MAN2A1: variants seen among roughly 807,000 people sequenced by gnomAD.
The protein encoded by MAN2A1 is mannosidase alpha class 2A member 1.
MAN2A1 carries 76 observed loss-of-function variants against 142.6 expected under a neutral mutation model. That is an observed-to-expected ratio of 0.53 (90% confidence interval 0.44 to 0.65). The LOEUF is 0.65. Among genes scored for constraint, MAN2A1 ranks in the 30% least tolerant of loss-of-function variants. The pLI is 0.00. For synonymous variants in MAN2A1, 559 were observed against 473.2 expected, an observed-to-expected ratio of 1.18 and a Z score of -2.35; for missense variants, 1,311 against 1,365.1, an observed-to-expected ratio of 0.96 and a Z score of 0.62.
At chr5:109,701,855 A>G (rs981350219) in intron 1 of MAN2A1, among the ~76,000 whole-genome samples, 1 of 152,144 alleles carries the variant, frequency 6.6e-6, no homozygotes, top group East Asian at 1.9e-4. Flanking sequence ...TGGTTGTACT[A>G]TTTGCAGAAG....
intron 16 of MAN2A1, among the ~76,000 whole-genome samples, chr5:109,824,628 A>G (rs926088576): frequency 5.3e-5 from 8 of 152,252 alleles, no homozygotes; most frequent in Admixed American, 5.2e-4. Context: ...AGCTAAGTTG[A>G]ACAAATTAGA....
chr5:109,762,965 G>T (rs1046334928), intron 5 of MAN2A1, among the ~76,000 whole-genome samples: 4 of 152,190 alleles, frequency 2.6e-5, no homozygotes, highest in Non-Finnish European at 5.9e-5. Flanking sequence ...GCAAAAGGCT[G>T]CAAAAGCAGA....
In MAN2A1 at chr5:109,847,828, T is replaced by A. The variant is rs542081665; in HGVS notation, c.2976+38T>A. The A allele has an allele frequency of 1.2e-5, 16 of 1,387,080 alleles. 1 individual carries two copies. The highest frequency in any genetic ancestry group is 1.3e-5 in the Non-Finnish European group (14 of 1,058,774). The allele number at this position is 1,387,080 out of a possible 1,614,324, so 85.9% of individuals were successfully genotyped here. On this transcript the variant is annotated intron_variant, in intron 19 of 21. Coordinates refer to ENST00000261483, the MANE Select transcript of MAN2A1 (RefSeq NM_002372.4). ...AACTAGCATGATCTGATATTGATTG[T>A]TCTTTGTCACCCAAAACTTGAAATT...
chr5:109,692,536 GACTGAGGC>G (rs369519614), intron 1 of MAN2A1, among the ~76,000 whole-genome samples: 44 of 152,262 alleles, frequency 2.9e-4, no homozygotes, highest in African/African-American at 9.6e-4. Flanking sequence ...GTGGCGAGGG[GACTGAGGC>G]ACTGAGGCAC....
At chr5:109,760,036 T>C (rs920973599) in intron 5 of MAN2A1, among the ~76,000 whole-genome samples, 2 of 152,070 alleles carry the variant, frequency 1.3e-5, no homozygotes, top group Admixed American at 6.6e-5. Flanking sequence ...GTGCAGAACA[T>C]GCAGGTTTGT....
chr5:109,699,795 A>G (rs3819904), intron 1 of MAN2A1: 29,174 of 157,980 alleles, frequency 0.18, 3,676 homozygotes, highest in East Asian at 0.64. Flanking sequence ...CTGGCGATCA[A>G]TGGGGTGACA....
At chr5:109,818,697 C>T (rs1362463531) in intron 13 of MAN2A1, among the ~76,000 whole-genome samples, 1 of 152,120 alleles carries the variant, frequency 6.6e-6, no homozygotes, top group Admixed American at 6.5e-5. Context: ...CCCTTACATT[C>T]ATGGAAAATT....
At chr5:109,729,996 G>GA (rs1280072503) in intron 4 of MAN2A1, among the ~76,000 whole-genome samples, 3 of 151,914 alleles carry the variant, frequency 2.0e-5, no homozygotes, top group African/African-American at 4.8e-5. Flanking sequence ...TGCCTTGGGG[G>GA]AAAAAAATCC....
At chr5:109,839,863 A>G (rs1409991562) in intron 16 of MAN2A1, among the ~76,000 whole-genome samples, 6 of 151,238 alleles carry the variant, frequency 4.0e-5, no homozygotes, top group Admixed American at 3.3e-4. Context: ...CTAGATTGTT[A>G]TTTTTATTTT....
At position 109,729,384 on chromosome 5, in the gene MAN2A1, A is replaced by G; in HGVS notation, c.578A>G (p.Gln193Arg). The G allele has an allele frequency of 6.2e-7, 1 of 1,605,700 alleles. No individual in the cohort carries two copies. The highest frequency in any genetic ancestry group is 1.7e-5 in the Admixed American group (1 of 57,936). The change falls in exon 4 of 22, where the codon CAG becomes CGG. Residue 193 changes from glutamine to arginine, a missense_variant. Around this residue, in one of 3 missense-constraint regions of MAN2A1, gnomAD observed 409 missense variants for 412.7 expected, o/e 0.99. Coordinates refer to ENST00000261483, the MANE Select transcript of MAN2A1 (RefSeq NM_002372.4). ...AATGACTACTTTAGAGACAAGACTC[A>G]GTATATTTTTAATAACATGGTCCTA... Reference protein sequence around the residue: ...TFNDYFRDKTQYIFNNMVLKL... With the variant: ...TFNDYFRDKTRYIFNNMVLKL...
At chr5:109,749,539 T>C (rs1412025444) in intron 4 of MAN2A1, among the ~76,000 whole-genome samples, 3 of 152,138 alleles carry the variant, frequency 2.0e-5, no homozygotes, top group African/African-American at 7.2e-5. Flanking sequence ...TCCTGGTTTC[T>C]TAGTTTCTGG....
At chr5:109,827,898 A>G (rs1315398305) in intron 16 of MAN2A1, among the ~76,000 whole-genome samples, 1 of 152,122 alleles carries the variant, frequency 6.6e-6, no homozygotes, top group Non-Finnish European at 1.5e-5. Context: ...TCAGGAGATC[A>G]AGACCATCCT....
chr5:109,740,523 A>G (rs979329119), intron 4 of MAN2A1, among the ~76,000 whole-genome samples: 4 of 143,918 alleles, frequency 2.8e-5, no homozygotes, highest in African/African-American at 9.8e-5. Context: ...GAGGCCAGCC[A>G]TGCTTGGCTC....
chr5:109,752,373 T>C (rs942572868), intron 4 of MAN2A1, among the ~76,000 whole-genome samples: 6 of 152,206 alleles, frequency 3.9e-5, no homozygotes, highest in African/African-American at 1.4e-4. Context: ...GATGGCCTTA[T>C]TCATTAATTC....
chr5:109,811,572 C>CTG (rs1189656738), intron 12 of MAN2A1, among the ~76,000 whole-genome samples: 12 of 138,688 alleles, frequency 8.7e-5, no homozygotes, highest in African/African-American at 2.9e-4. Flanking sequence ...TTCCTAACAG[C>CTG]CGTGTGTGTG....
Position 109,800,162 on chromosome 5 carries a change from C to A in MAN2A1, c.1943+10635C>A, listed in dbSNP as rs962767739. On this transcript the variant is annotated intron_variant, in intron 12 of 21. Coordinates refer to ENST00000261483, the MANE Select transcript of MAN2A1 (RefSeq NM_002372.4). Reference sequence around the variant, plus strand: ...GAATGTGCACACACACAGACATGCACATGCACACATACACCATTTGCCTGA... The same window carrying A: ...GAATGTGCACACACACAGACATGCAAATGCACACATACACCATTTGCCTGA... Among the ~76,000 whole-genome samples, 4 of 151,626 alleles carry A rather than the reference C, an allele frequency of 2.6e-5. No homozygotes were observed. In the East Asian group the frequency reaches 7.8e-4, roughly 29 times the overall value.
intron 16 of MAN2A1, among the ~76,000 whole-genome samples, chr5:109,834,973 GT>G (rs202179654): frequency 1.2e-4 from 18 of 149,388 alleles, no homozygotes; most frequent in South Asian, 8.5e-4. Flanking sequence ...TATAAGTACA[GT>G]TTTTTTTTTA....
At chr5:109,798,166 A>G (rs886845717) in intron 12 of MAN2A1, among the ~76,000 whole-genome samples, 1 of 152,228 alleles carries the variant, frequency 6.6e-6, no homozygotes, top group Non-Finnish European at 1.5e-5. Context: ...AGAATTTAAC[A>G]GCACCATGGA....
At chr5:109,765,533 C>A (rs766869900) in intron 5 of MAN2A1, among the ~76,000 whole-genome samples, 3 of 152,080 alleles carry the variant, frequency 2.0e-5, no homozygotes, top group Non-Finnish European at 4.4e-5. Flanking sequence ...CTAAGTTTCT[C>A]CACTGTGTTA....
Sources: allele counts gnomAD v4.1 joint callset (sites outside exome capture counted in the v4.1 genomes callset), GRCh38; gene constraint gnomAD v4.1.1; regional missense constraint gnomAD v4.1.1; transcripts MANE v1.5; gene names NCBI Gene and HGNC (gene_info 2026-07-23, HGNC 2026-07-21).